The following KDM2B variants were observed in gnomAD, a reference collection of about 807,000 sequenced individuals.
KDM2B encodes lysine demethylase 2B, also known as lysine-specific demethylase 2B.
A neutral mutation model predicts 150.0 loss-of-function variants in KDM2B; 26 were observed. That is an observed-to-expected ratio of 0.17 (90% confidence interval 0.13 to 0.24). The LOEUF (loss-of-function observed/expected upper bound fraction) is 0.24. Among genes scored for constraint, KDM2B ranks in the 10% least tolerant of loss-of-function variants. The pLI is 1.00. For synonymous variants in KDM2B, 734 were observed against 729.5 expected, an observed-to-expected ratio of 1.01 and a Z score of -0.10; for missense variants, 1,265 against 1,816.9, an observed-to-expected ratio of 0.70 and a Z score of 5.52.
chr12:121,581,820 A>C (rs1891976096), upstream of KDM2B, among the ~76,000 whole-genome samples: 1 of 152,180 alleles, frequency 6.6e-6, no homozygotes, highest in African/African-American at 2.4e-5. Flanking sequence ...CTTCCCCACC[A>C]GGAGATACGA....
chr12:121,464,272 C>T (rs1879517274), intron 12 of KDM2B, among the ~76,000 whole-genome samples: 2 of 152,200 alleles, frequency 1.3e-5, no homozygotes, highest in African/African-American at 4.8e-5. Context: ...CTTCTAAAAG[C>T]CCTCCTTTAG....
At position 121,527,002 on chromosome 12, in the gene KDM2B, AG is replaced by A. The variant is rs1887194805; in HGVS notation, c.931+5803del. On this transcript the variant is annotated intron_variant, in intron 8 of 22. Coordinates refer to ENST00000377071, the MANE Select transcript of KDM2B (RefSeq NM_032590.5). ...AGCCGAGATCATGCCATTGCACTCC[AG>A]CCTTGGCAACAAGAGCAACGCTCTG... Among the ~76,000 whole-genome samples the A allele has an allele frequency of 4.6e-5, 7 of 152,262 alleles. No individual in the cohort carries two copies. The South Asian group carries it at 1.5e-3, about 32-fold the overall frequency.
At position 121,474,543 on chromosome 12, in the gene KDM2B, A is replaced by C. The variant is rs1365297686; in HGVS notation, c.1734+20036T>G. Reference sequence around the variant, plus strand: ...AAAAATAAAAATTTAGGTTAGGTAGATATTACCTCAACAAAAAGCATATAC... The same window carrying C: ...AAAAATAAAAATTTAGGTTAGGTAGCTATTACCTCAACAAAAAGCATATAC... On this transcript the variant is annotated intron_variant, in intron 12 of 22. Coordinates refer to ENST00000377071, the MANE Select transcript of KDM2B (RefSeq NM_032590.5). Among the ~76,000 whole-genome samples, 3 of 152,160 alleles carry C rather than the reference A, an allele frequency of 2.0e-5. No homozygotes were observed. In the East Asian group the frequency reaches 5.8e-4, roughly 29 times the overall value.
At chr12:121,512,163 G>A (rs1019841472) in intron 10 of KDM2B, among the ~76,000 whole-genome samples, 1 of 152,092 alleles carries the variant, frequency 6.6e-6, no homozygotes, top group African/African-American at 2.4e-5. Flanking sequence ...CGGCTCTCAC[G>A]CTATTTCAGG....
the KDM2B span, chr12:121,424,044 A>G: frequency 6.5e-6 from 1 of 153,518 alleles, no homozygotes; most frequent in African/African-American, 2.4e-5. Flanking sequence ...AGTCATGTAT[A>G]TTTTAAATGC....
chr12:121,564,126 AC>A (rs1890532671), intron 4 of KDM2B, among the ~76,000 whole-genome samples: 1 of 151,950 alleles, frequency 6.6e-6, no homozygotes, highest in Non-Finnish European at 1.5e-5. Flanking sequence ...CAAAGAGTAT[AC>A]TGTCTAGGTC....
the KDM2B span, among the ~76,000 whole-genome samples, chr12:121,408,670 C>T: frequency 6.6e-6 from 1 of 152,078 alleles, no homozygotes; most frequent in African/African-American, 2.4e-5. Flanking sequence ...AGATGGAGTC[C>T]AGGCTTGGAA....
upstream of KDM2B, among the ~76,000 whole-genome samples, chr12:121,581,735 A>C (rs1356898981): frequency 6.6e-6 from 1 of 152,164 alleles, no homozygotes; most frequent in Non-Finnish European, 1.5e-5. Context: ...AGCTCAGAGA[A>C]ATTATGAATC....
chr12:121,473,259 G>A (rs1241370841), intron 12 of KDM2B, among the ~76,000 whole-genome samples: 1 of 152,000 alleles, frequency 6.6e-6, no homozygotes. Context: ...GGGTGTGATG[G>A]TGGGCATCTG....
rs141771223 is a variant in KDM2B, at chr12:121,573,607, C to T, written c.397+940G>A. 5.4e-3 allele frequency among the ~76,000 whole-genome samples: 787 copies of T among 145,902 alleles called. 22 individuals carry two copies. Among genetic ancestry groups the T allele is most frequent in the Admixed American group, 0.044 (637 of 14,556 alleles). On this transcript the variant is annotated intron_variant, in intron 4 of 22. Coordinates refer to ENST00000377071, the MANE Select transcript of KDM2B (RefSeq NM_032590.5). ...TACTTCTTTTTTTTTTTTTTTGAGA[C>T]GGAGTCTCGCTCTGTCGCCCAGGCT...
At chr12:121,545,379 C>A (rs1207874504) in intron 6 of KDM2B, among the ~76,000 whole-genome samples, 1 of 149,204 alleles carries the variant, frequency 6.7e-6, no homozygotes, top group Non-Finnish European at 1.5e-5. Context: ...CAGTGACAGA[C>A]AACGGTTTTA....
At chr12:121,411,801 T>A in the KDM2B span, among the ~76,000 whole-genome samples, 2 of 152,126 alleles carry the variant, frequency 1.3e-5, no homozygotes, top group East Asian at 1.9e-4. Flanking sequence ...CAGACATGAA[T>A]TAGAAGGGGG....
rs1291455878 is a variant in KDM2B, at chr12:121,521,496, A to G, written c.932-396T>C. Among the ~76,000 whole-genome samples the G allele has an allele frequency of 2.0e-5, 3 of 152,140 alleles. No homozygotes were observed. Among genetic ancestry groups the G allele is most frequent in the Non-Finnish European group, 4.4e-5 (3 of 68,018 alleles). ...CCTCCCAGGTGGCACATGTGTCCAG[A>G]GTCTTTCCTCACCATCCCAGAGGGG... On this transcript the variant is annotated intron_variant, in intron 8 of 22. Transcript: ENST00000377071. This position sits in a 1 kb window ranked among gnomAD's most constrained non-coding sequence, Gnocchi z 4.9.
At chr12:121,465,319 C>T (rs974829201) in intron 12 of KDM2B, among the ~76,000 whole-genome samples, 1 of 152,166 alleles carries the variant, frequency 6.6e-6, no homozygotes, top group African/African-American at 2.4e-5. Flanking sequence ...CCGCAACCTC[C>T]GCCTCCTGGG....
chr12:121,553,041 G>C (rs1449321283), intron 4 of KDM2B, among the ~76,000 whole-genome samples: 1 of 152,034 alleles, frequency 6.6e-6, no homozygotes, highest in Non-Finnish European at 1.5e-5. Flanking sequence ...GACCATCTTG[G>C]CTAACACGGT....
intron 11 of KDM2B, among the ~76,000 whole-genome samples, chr12:121,498,971 G>A (rs1189805250): frequency 1.3e-5 from 2 of 151,936 alleles, no homozygotes; most frequent in East Asian, 1.9e-4. Context: ...CACCACGACC[G>A]ACTAATTTTT....
intron 12 of KDM2B, among the ~76,000 whole-genome samples, chr12:121,491,769 G>A (rs945552574): frequency 2.0e-5 from 3 of 149,268 alleles, no homozygotes; most frequent in Non-Finnish European, 3.0e-5. Flanking sequence ...ACTCCAGCCT[G>A]GTGACAAGAG....
intron 2 of KDM2B, 45 bp downstream of exon 2, chr12:121,578,757 C>G (rs895475500): frequency 2.9e-6 from 4 of 1,398,206 alleles, no homozygotes; most frequent in Non-Finnish European, 3.8e-6. Flanking sequence ...CCCACGTGCG[C>G]TCGGCCCGCA....
rs563097362 is a variant in KDM2B, at chr12:121,540,525, G to T, written c.684-5935C>A. 9.7e-4 allele frequency among the ~76,000 whole-genome samples: 148 copies of T among 151,908 alleles called. 4 individuals carry two copies. The highest frequency in any genetic ancestry group is 1.2e-4 in the Non-Finnish European group (8 of 67,926). ...GCATTTTGGGAGGCTGAGGCAGGCG[G>T]ATCACCTGAGGTCAGGAGTTCAAGA... On this transcript the variant is annotated intron_variant, in intron 6 of 22. Coordinates refer to ENST00000377071, the MANE Select transcript of KDM2B (RefSeq NM_032590.5).
Sources: gnomAD v4.1 joint callset for allele counts (sites outside exome capture counted in the v4.1 genomes callset) on GRCh38, gnomAD v4.1.1 for gene constraint, Gnocchi (gnomAD v3.1) non-coding constraint, MANE v1.5 for transcripts, NCBI Gene and HGNC (gene_info 2026-07-23, HGNC 2026-07-21) for gene names.